Variants in COX10 observed in about 807,000 individuals in gnomAD.
COX10 encodes the protein protoheme IX farnesyltransferase, mitochondrial.
COX10 carries 27 observed loss-of-function variants against 37.3 expected under a neutral mutation model. The ratio of observed to expected loss-of-function variants is 0.72; its 90% CI spans 0.53 to 1.00. COX10 has a LOEUF of 1.00. Ranked by LOEUF, COX10 falls within the 50% of genes least tolerant of loss-of-function variation. COX10 has a pLI of 0.00. For synonymous variants in COX10, 222 were observed against 229.1 expected, an observed-to-expected ratio of 0.97 and a Z score of 0.28; for missense variants, 475 against 563.2, an observed-to-expected ratio of 0.84 and a Z score of 1.59.
chr17:14,130,022 C>T (rs936918073), intron 4 of COX10, among the ~76,000 whole-genome samples: 14 of 152,102 alleles, frequency 9.2e-5, no homozygotes, highest in African/African-American at 3.4e-4. Context: ...TCTTCTCTTC[C>T]TGGGAGAATG....
At chr17:14,084,939 C>T (rs1038183438) in intron 3 of COX10, among the ~76,000 whole-genome samples, 4 of 152,136 alleles carry the variant, frequency 2.6e-5, no homozygotes, top group African/African-American at 7.2e-5. Flanking sequence ...GGATTACAGG[C>T]GTGAGTCACT....
intron 1 of COX10, 145 bp downstream of exon 1, chr17:14,069,793 G>T: frequency 1.1e-6 from 1 of 927,848 alleles, no homozygotes; most frequent in Non-Finnish European, 1.7e-6. Context: ...ATGACCTCTG[G>T]AGTAGCTTGG....
intron 3 of COX10, among the ~76,000 whole-genome samples, chr17:14,099,094 C>T (rs550774095): frequency 1.3e-5 from 2 of 152,182 alleles, no homozygotes; most frequent in East Asian, 3.9e-4. Flanking sequence ...GCTCATCTTC[C>T]TGTAATCTTT....
intron 1 of COX10, among the ~76,000 whole-genome samples, chr17:14,071,354 A>C (rs968218140): frequency 1.3e-5 from 2 of 152,148 alleles, no homozygotes; most frequent in Non-Finnish European, 2.9e-5. Flanking sequence ...TATGGAAGGA[A>C]TTAATAGACA....
Position 14,074,361 on chromosome 17 carries a change from A to G in COX10, c.82A>G (p.Thr28Ala), listed in dbSNP as rs761436926. ...GGSVWYLERRTIQDSPHKFLH... is the reference protein window; with the variant it reads ...GGSVWYLERRAIQDSPHKFLH... ...CTCTGTCTGGTATCTTGAAAGAAGA[A>G]CTATACAGGACTCCCCTCACAAGTT... Residue 28 changes from threonine to alanine, a missense_variant, in exon 2 of 7, where the codon ACT becomes GCT. By Grantham distance (58) the Thr-to-Ala change is moderately conservative. Transcript: ENST00000261643. 1.2e-6 allele frequency: 2 copies of G among 1,613,936 alleles called. No individual in the cohort carries two copies. Among genetic ancestry groups the G allele is most frequent in the Non-Finnish European group, 1.7e-6 (2 of 1,179,950 alleles).
intron 5 of COX10, among the ~76,000 whole-genome samples, chr17:14,178,493 C>T (rs1173597616): frequency 1.4e-5 from 2 of 144,028 alleles, no homozygotes; most frequent in African/African-American, 2.4e-5. Context: ...TCCTTCTCTT[C>T]TGACTTCATA....
intron 4 of COX10, among the ~76,000 whole-genome samples, chr17:14,152,543 A>AT (rs1220340918): frequency 1.3e-5 from 2 of 152,196 alleles, no homozygotes; most frequent in African/African-American, 4.8e-5. Flanking sequence ...AGGCTGATGT[A>AT]GGGGTTAGAC....
At chr17:14,135,904 T>A (rs2142222399) in intron 4 of COX10, among the ~76,000 whole-genome samples, 2 of 152,070 alleles carry the variant, frequency 1.3e-5, no homozygotes, top group South Asian at 4.1e-4. Context: ...AAGTGCTCTG[T>A]CAATAGTTGT....
At chr17:14,160,255 A>G (rs1029741338) in intron 5 of COX10, among the ~76,000 whole-genome samples, 4 of 152,282 alleles carry the variant, frequency 2.6e-5, no homozygotes, top group Admixed American at 6.5e-5. Flanking sequence ...AAAACATTGC[A>G]TTAACGCAAA....
chr17:14,125,104 T>C (rs2142215342), intron 4 of COX10, among the ~76,000 whole-genome samples: 1 of 152,304 alleles, frequency 6.6e-6, no homozygotes, highest in East Asian at 1.9e-4. Context: ...TTTAAATGTA[T>C]TTACACAGGT....
At chr17:14,183,583 T>G (rs1179115119) in intron 5 of COX10, among the ~76,000 whole-genome samples, 5 of 152,278 alleles carry the variant, frequency 3.3e-5, no homozygotes, top group African/African-American at 7.2e-5. Flanking sequence ...GTGATCAATC[T>G]AGCTTTTCAA....
At chr17:14,159,071 C>G (rs1047077337) in intron 4 of COX10, among the ~76,000 whole-genome samples, 1 of 152,142 alleles carries the variant, frequency 6.6e-6, no homozygotes, top group Admixed American at 6.5e-5. Context: ...TAAAACTGTA[C>G]TTCATTGTTA....
At chr17:14,162,420 A>G (rs888629539) in intron 5 of COX10, among the ~76,000 whole-genome samples, 5 of 152,212 alleles carry the variant, frequency 3.3e-5, no homozygotes, top group African/African-American at 9.6e-5. Context: ...CAACAAGCCC[A>G]GGGACCTCCT....
At position 14,109,089 on chromosome 17, in the gene COX10, C is replaced by T. The variant is rs116472459; in HGVS notation, c.624+6847C>T. On this transcript the variant is annotated intron_variant, in intron 4 of 6. Transcript: ENST00000261643. ...TGACTTTGATGTTTTAGCTGCTGGG[C>T]AACTTGCATTCATTCAGTGGTCTCT... Among the ~76,000 whole-genome samples, 644 of 152,230 alleles carry T rather than the reference C, an allele frequency of 4.2e-3. 4 individuals are homozygous for T. Among genetic ancestry groups the T allele is most frequent in the African/African-American group, 0.015 (614 of 41,554 alleles).
chr17:14,176,874 A>G (rs1190751619), intron 5 of COX10, among the ~76,000 whole-genome samples: 1 of 152,178 alleles, frequency 6.6e-6, no homozygotes, highest in African/African-American at 2.4e-5. Context: ...TATATGTAAT[A>G]AACAAGGAAT....
intron 1 of COX10, among the ~76,000 whole-genome samples, chr17:14,072,309 C>T (rs1915043687): frequency 6.6e-6 from 1 of 152,172 alleles, no homozygotes; most frequent in Non-Finnish European, 1.5e-5. Context: ...CAACCTCCAC[C>T]TCCCAGGTTC....
chr17:14,114,555 A>G (rs1348242566), intron 4 of COX10, among the ~76,000 whole-genome samples: 1 of 152,104 alleles, frequency 6.6e-6, no homozygotes, highest in African/African-American at 2.4e-5. Context: ...TGATTATGCC[A>G]TTGATGTTTT....
rs79306667 is a variant in COX10, at chr17:14,197,964, C to A, written c.928+5743C>A. ...CTCAGAGTTAGGCCTTTTCCTCTCACCTGCCTAATTACCTTATCTTAATTT... is the reference window on the plus strand; with the variant it reads ...CTCAGAGTTAGGCCTTTTCCTCTCAACTGCCTAATTACCTTATCTTAATTT... On this transcript the variant is annotated intron_variant, in intron 6 of 6. Transcript: ENST00000261643. 8.7e-3 allele frequency among the ~76,000 whole-genome samples: 1,320 copies of A among 152,326 alleles called. 52 individuals are homozygous for A. In the East Asian group the frequency reaches 0.093, roughly 11 times the overall value.
At chr17:14,128,549 A>G (rs1916393838) in intron 4 of COX10, among the ~76,000 whole-genome samples, 1 of 152,166 alleles carries the variant, frequency 6.6e-6, no homozygotes. Flanking sequence ...TTAGGGTGCA[A>G]ATTATCCAGA....
Sources: allele counts gnomAD v4.1 joint callset (sites outside exome capture counted in the v4.1 genomes callset), GRCh38; gene constraint gnomAD v4.1.1; transcripts MANE v1.5; gene names NCBI Gene and HGNC (gene_info 2026-07-23, HGNC 2026-07-21).